The following CEP152 variants were observed in gnomAD, a reference collection of about 807,000 sequenced individuals.
CEP152 encodes centrosomal protein 152, also known as centrosomal protein of 152 kDa.
CEP152 carries 132 observed loss-of-function variants against 188.9 expected under a neutral mutation model. The ratio of observed to expected loss-of-function variants is 0.70; its 90% CI spans 0.61 to 0.81. The LOEUF (loss-of-function observed/expected upper bound fraction) is 0.81. Among genes scored for constraint, CEP152 ranks in the 30% least tolerant of loss-of-function variants. CEP152 has a pLI of 0.00. For synonymous variants in CEP152, 649 were observed against 666.6 expected, an observed-to-expected ratio of 0.97 and a Z score of 0.41; for missense variants, 1,914 against 1,969.8, an observed-to-expected ratio of 0.97 and a Z score of 0.54.
chr15:48,735,865 T>C (rs551112138), downstream of CEP152, among the ~76,000 whole-genome samples: 1 of 152,094 alleles, frequency 6.6e-6, no homozygotes, highest in African/African-American at 2.4e-5. Context: ...CAAAAGTTCT[T>C]TGGGGGAAAA....
chr15:48,775,055 A>C (rs1394357234), intron 12 of CEP152, among the ~76,000 whole-genome samples: 2 of 152,082 alleles, frequency 1.3e-5, no homozygotes, highest in Non-Finnish European at 2.9e-5. Flanking sequence ...AGGACAAGAA[A>C]AAAAGGAGTG....
rs375081002 is a variant in CEP152, at chr15:48,781,176, C to T, written c.1577+20G>A. 11 of 1,610,112 alleles carry T rather than the reference C, an allele frequency of 6.8e-6. No homozygotes were observed. The African/African-American group carries it at 1.5e-4, about 22-fold the overall frequency. ...CTAATGTTGGTTCTTCTACAGTAAACTAAAATATTCTTTCCATACCTGGTA... is the reference window on the plus strand; with the variant it reads ...CTAATGTTGGTTCTTCTACAGTAAATTAAAATATTCTTTCCATACCTGGTA... On this transcript the variant is annotated intron_variant, in intron 12 of 26. Coordinates refer to ENST00000380950, the MANE Select transcript of CEP152 (RefSeq NM_001194998.2).
chr15:48,791,802 C>G (rs1233419922), intron 7 of CEP152, among the ~76,000 whole-genome samples: 1 of 151,670 alleles, frequency 6.6e-6, no homozygotes, highest in East Asian at 1.9e-4. Context: ...CAGGCGTGAG[C>G]CACCTCACCC....
chr15:48,796,303 C>CAA, intron 5 of CEP152, 143 bp from the exon 6 acceptor site: 1 of 674,676 alleles, frequency 1.5e-6, no homozygotes, highest in Non-Finnish European at 2.6e-6. Context: ...CACACACACA[C>CAA]ACACACACAC....
In CEP152 at chr15:48,756,444, T is replaced by C. The variant is rs74245641; in HGVS notation, c.2804A>G (p.Gln935Arg). The change falls in exon 20 of 27, where the codon CAG becomes CGG. Residue 935 changes from glutamine to arginine, a missense_variant. Coordinates refer to ENST00000380950, the MANE Select transcript of CEP152 (RefSeq NM_001194998.2). Reference protein sequence around the residue: ...KELEEKIHSLQKELELKNEEV... With the variant: ...KELEEKIHSLRKELELKNEEV... ...TTCGTTCTTTAACTCAAGTTCCTTC[T>C]GAAGAGAATGAATCTTCTCTTCCAA... 2.4e-4 allele frequency: 382 copies of C among 1,613,886 alleles called. 3 individuals carry two copies. In the East Asian group the frequency reaches 5.6e-3, roughly 24 times the overall value.
chr15:48,752,311 G>A, intron 21 of CEP152, 38 bp downstream of exon 21: 2 of 1,613,952 alleles, frequency 1.2e-6, no homozygotes, highest in Non-Finnish European at 1.7e-6. Flanking sequence ...GGGTGATTAT[G>A]GATGCTACAA....
At chr15:48,807,968 T>C (rs963300128) in intron 1 of CEP152, among the ~76,000 whole-genome samples, 9 of 152,024 alleles carry the variant, frequency 5.9e-5, no homozygotes, top group Non-Finnish European at 1.2e-4. Context: ...AAACATGTCA[T>C]TAAAGAAGAC....
intron 9 of CEP152, among the ~76,000 whole-genome samples, chr15:48,788,326 CTTTTTTTTT>C (rs538514112): frequency 1.0e-5 from 1 of 97,060 alleles, no homozygotes; most frequent in African/African-American, 3.8e-5. Context: ...TCACTGGCTT[CTTTTTTTTT>C]TTTTTTTTTT....
chr15:48,760,866 C>T (rs975941003), intron 18 of CEP152, among the ~76,000 whole-genome samples: 2 of 151,906 alleles, frequency 1.3e-5, no homozygotes, highest in African/African-American at 4.8e-5. Flanking sequence ...TACCTTATTC[C>T]TTTATTTTAA....
chr15:48,760,088 G>A (rs992327186), intron 19 of CEP152, 47 bp downstream of exon 19: 2 of 1,612,320 alleles, frequency 1.2e-6, no homozygotes, highest in Admixed American at 1.7e-5. Flanking sequence ...AAGAGAAGGG[G>A]TCAGGTAAGA....
Position 48,739,261 on chromosome 15 carries a change from A to G in CEP152, c.4121T>C (p.Ile1374Thr). 6.2e-7 allele frequency: 1 copy of G among 1,613,288 alleles called. No individual in the cohort carries two copies. The highest frequency in any genetic ancestry group is 8.5e-7 in the Non-Finnish European group (1 of 1,179,838). The change falls in exon 27 of 27, where the codon ATT (isoleucine) becomes ACT (threonine). Residue 1374 changes from isoleucine (I) to threonine (T), a missense_variant. Coordinates refer to ENST00000380950, the MANE Select transcript of CEP152 (RefSeq NM_001194998.2). ...ATTTCTTTTTGATTTTTTAACTGCA[A>G]TCAGCATCTCTGAAGTTAGGGGCAG... ...SALPLTSEML[I>T]AVKKSKRNDV...
At position 48,739,162 on chromosome 15, in the gene CEP152, C is replaced by T. The variant is rs576413208; in HGVS notation, c.4220G>A (p.Cys1407Tyr). The T allele has an allele frequency of 6.2e-7, 1 of 1,614,166 alleles. No homozygotes were observed. Among genetic ancestry groups the T allele is most frequent in the Admixed American group, 1.7e-5 (1 of 60,018 alleles). ...NSVNTITRTL[C>Y]EQAPKRRAAC... ...TGCCCTCCTCTTGGGAGCTTGTTCG[C>T]ACAGAGTTCTGGTGATGGTGTTTAC... Residue 1407 changes from cysteine (C) to tyrosine (Y), a missense_variant, in exon 27 of 27, where the codon TGC becomes TAC. Cys to Tyr is a radical substitution (Grantham distance 194). Coordinates refer to ENST00000380950, the MANE Select transcript of CEP152 (RefSeq NM_001194998.2).
intron 1 of CEP152, among the ~76,000 whole-genome samples, chr15:48,807,158 A>G (rs1431756019): frequency 6.6e-6 from 1 of 152,176 alleles, no homozygotes; most frequent in Admixed American, 6.5e-5. Context: ...GACCACACCT[A>G]TTCCTTTCTA....
Position 48,741,646 on chromosome 15 carries a change from C to T in CEP152, c.4048G>A (p.Glu1350Lys). ...TGGGACTTACTAGAAATAGGTGTTTCCAGTAATTTTGCCATTGTAGCAAGT... is the reference window on the plus strand; with the variant it reads ...TGGGACTTACTAGAAATAGGTGTTTTCAGTAATTTTGCCATTGTAGCAAGT... ...SKLATMAKLLETPISSKSQSK... is the reference protein window; with the variant it reads ...SKLATMAKLLKTPISSKSQSK... Residue 1350 changes from glutamate (E) to lysine (K), a missense_variant, in exon 26 of 27, where the codon GAA (glutamate) becomes AAA (lysine). By Grantham distance (56) the Glu-to-Lys change is moderately conservative. Transcript: ENST00000380950. 1 of 1,614,090 alleles carries T rather than the reference C, an allele frequency of 6.2e-7. No homozygotes were observed. Among genetic ancestry groups the T allele is most frequent in the Non-Finnish European group, 8.5e-7 (1 of 1,180,016 alleles).
intron 22 of CEP152, among the ~76,000 whole-genome samples, chr15:48,745,986 T>C (rs1398448443): frequency 6.6e-6 from 1 of 152,176 alleles, no homozygotes; most frequent in African/African-American, 2.4e-5. Context: ...CAACACTCCG[T>C]AAGTTGAGGA....
At chr15:48,784,665 T>A (rs564102950) in intron 9 of CEP152, among the ~76,000 whole-genome samples, 1 of 152,216 alleles carries the variant, frequency 6.6e-6, no homozygotes, top group African/African-American at 2.4e-5. Flanking sequence ...TTCTTTCTTA[T>A]CTTTCTCCAC....
In CEP152 at chr15:48,797,337, T is replaced by A; in HGVS notation, c.504A>T (p.Val168=). ...TCCATTGAGGATCTGAAAATTTAATTACATTGGTTGCTTGGTTATTAAATT... is the reference window on the plus strand; with the variant it reads ...TCCATTGAGGATCTGAAAATTTAATAACATTGGTTGCTTGGTTATTAAATT... The part of the protein sequence containing the change: ...KQEFNNQATN[V]IKFSDPQWNH... Residue 168 remains valine, a synonymous_variant, in exon 5 of 27, where the codon GTA becomes GTT. Transcript: ENST00000380950. 2 of 1,614,102 alleles carry A rather than the reference T, an allele frequency of 1.2e-6. No individual in the cohort carries two copies. Among genetic ancestry groups the A allele is most frequent in the Non-Finnish European group, 1.7e-6 (2 of 1,179,986 alleles).
intron 22 of CEP152, 39 bp downstream of exon 22, chr15:48,748,404 G>A: frequency 6.7e-7 from 1 of 1,490,504 alleles, no homozygotes; most frequent in Non-Finnish European, 8.9e-7. Flanking sequence ...AAGGATCAAA[G>A]AAATTCATAT....
At chr15:48,747,809 G>A (rs1186681354) in intron 22 of CEP152, among the ~76,000 whole-genome samples, 4 of 152,122 alleles carry the variant, frequency 2.6e-5, no homozygotes, top group African/African-American at 9.7e-5. Context: ...TTCTTCAGAG[G>A]GGCACTGGGA....
Sources: allele counts gnomAD v4.1 joint callset (sites outside exome capture counted in the v4.1 genomes callset), GRCh38; gene constraint gnomAD v4.1.1; transcripts MANE v1.5; gene names NCBI Gene and HGNC (gene_info 2026-07-23, HGNC 2026-07-21).